The following MICAL3 variants were observed in gnomAD, a reference collection of about 807,000 sequenced individuals.
MICAL3 encodes the protein [F-actin]-monooxygenase MICAL3.
MICAL3 carries 62 observed loss-of-function variants against 207.4 expected under a neutral mutation model. That is an observed-to-expected ratio of 0.30 (90% CI 0.24 to 0.37). The LOEUF (loss-of-function observed/expected upper bound fraction) is 0.37, where lower values mean the gene tolerates loss of function less well. Among genes scored for constraint, MICAL3 ranks in the 10% least tolerant of loss-of-function variants. MICAL3 has a pLI of 1.00. For missense variants in MICAL3, 2,368 were observed against 2,635.6 expected (o/e 0.90, Z 2.22); for synonymous variants, 1,077 against 1,069.3 (o/e 1.01, Z -0.14).
rs111550946 is a variant in MICAL3, at chr22:17,919,592, G to A, written c.-74-12706C>T. Among the ~76,000 whole-genome samples, 67 of 152,372 alleles carry A rather than the reference G, an allele frequency of 4.4e-4. 1 individual carries two copies. Among genetic ancestry groups the A allele is most frequent in the African/African-American group, 1.6e-3 (67 of 41,594 alleles). On this transcript the variant is annotated intron_variant, in intron 1 of 31. Transcript: ENST00000441493. ...GTCGTATCAAATGAAAATGAACTGT[G>A]TGCTTTCAGGCAGTGGCACCAGGCT...
At chr22:17,963,966 C>T (rs1480126689) in intron 1 of MICAL3, among the ~76,000 whole-genome samples, 1 of 152,182 alleles carries the variant, frequency 6.6e-6, no homozygotes, top group East Asian at 1.9e-4. Context: ...GAGACCCTCG[C>T]AAATTTTGTA....
At chr22:17,923,756 G>C (rs1602227326) in intron 1 of MICAL3, among the ~76,000 whole-genome samples, 1 of 152,246 alleles carries the variant, frequency 6.6e-6, no homozygotes, top group African/African-American at 2.4e-5. Flanking sequence ...GTTCCCTAAG[G>C]GATATTAGAA....
intron 19 of MICAL3, among the ~76,000 whole-genome samples, chr22:17,845,894 ACACT>A (rs528768772): frequency 3.8e-4 from 58 of 152,348 alleles, no homozygotes; most frequent in Non-Finnish European, 6.5e-4. Flanking sequence ...GGAATGACAG[ACACT>A]CAGTCTTCCC....
At chr22:17,968,607 A>T (rs894693467) in intron 1 of MICAL3, among the ~76,000 whole-genome samples, 1 of 152,134 alleles carries the variant, frequency 6.6e-6, no homozygotes, top group Non-Finnish European at 1.5e-5. Flanking sequence ...TGCCTGGGAG[A>T]GTGTCCAACT....
intron 19 of MICAL3, among the ~76,000 whole-genome samples, chr22:17,857,981 G>T (rs1021514462): frequency 3.3e-5 from 5 of 152,166 alleles, no homozygotes; most frequent in Non-Finnish European, 5.9e-5. Flanking sequence ...CCATTAAAGG[G>T]CCCCCAAAAT....
intron 12 of MICAL3, among the ~76,000 whole-genome samples, chr22:17,891,117 G>C (rs982076115): frequency 1.3e-5 from 2 of 152,180 alleles, no homozygotes; most frequent in African/African-American, 4.8e-5. Flanking sequence ...GAATTTGAGA[G>C]ACAGCTGGCC....
rs1179004863 is a variant in MICAL3, at chr22:17,900,429, C to T, written c.847+413G>A. 6.6e-6 allele frequency among the ~76,000 whole-genome samples: 1 copy of T among 152,096 alleles called. No individual in the cohort carries two copies. The highest frequency in any genetic ancestry group is 1.5e-5 in the Non-Finnish European group (1 of 68,020). On this transcript the variant is annotated intron_variant, in intron 6 of 31. Coordinates refer to ENST00000441493, the MANE Select transcript of MICAL3 (RefSeq NM_015241.3). This position sits in a 1 kb window ranked among gnomAD's most constrained non-coding sequence, Gnocchi z 4.0. Reference sequence around the variant, plus strand: ...CAGCCCGGGCAACATGGCGAAACTCCGTCTCTACAAGTAATACGAAAAATT... The same window carrying T: ...CAGCCCGGGCAACATGGCGAAACTCTGTCTCTACAAGTAATACGAAAAATT...
chr22:17,904,852 G>A lies in MICAL3; in HGVS notation c.265-13C>T. 1 of 1,596,356 alleles carries A rather than the reference G, an allele frequency of 6.3e-7. No individual in the cohort carries two copies. The highest frequency in any genetic ancestry group is 8.6e-7 in the Non-Finnish European group (1 of 1,164,048). ...CAATGATGAGACACTGAAAAACACA[G>A]CTGCTTTCAGGGCAGGCGGCACTTC... On this transcript the variant is annotated splice_polypyrimidine_tract_variant and intron_variant, in intron 2 of 31. Coordinates refer to ENST00000441493, the MANE Select transcript of MICAL3 (RefSeq NM_015241.3).
intron 19 of MICAL3, among the ~76,000 whole-genome samples, chr22:17,854,776 G>A (rs899911979): frequency 3.9e-5 from 6 of 152,198 alleles, no homozygotes; most frequent in African/African-American, 9.7e-5. Flanking sequence ...GCATGAGGCC[G>A]CAGGAATTAA....
intron 29 of MICAL3, among the ~76,000 whole-genome samples, chr22:17,807,753 A>G (rs1485073122): frequency 1.3e-5 from 2 of 152,192 alleles, no homozygotes; most frequent in East Asian, 3.8e-4. Context: ...CCCATGGGTC[A>G]GTCTTTGAGC....
At chr22:17,907,454 G>A (rs1235067198) in intron 1 of MICAL3, among the ~76,000 whole-genome samples, 1 of 152,216 alleles carries the variant, frequency 6.6e-6, no homozygotes, top group Non-Finnish European at 1.5e-5. Flanking sequence ...TGGTGCCAGT[G>A]GAGCAGTGAG....
rs796342471 is a variant in MICAL3, at chr22:17,900,989, G to A, written c.700C>T (p.Arg234Trp). 1.9e-6 allele frequency: 3 copies of A among 1,613,918 alleles called. No homozygotes were observed. Among genetic ancestry groups the A allele is most frequent in the Non-Finnish European group, 1.7e-6 (2 of 1,179,822 alleles). ...GRRNTLEGFRRKEFRGKLAIA... is the reference protein window; with the variant it reads ...GRRNTLEGFRWKEFRGKLAIA... Reference sequence around the variant, plus strand: ...GCCAGTTTGCCACGGAATTCTTTCCGACGAAACCCTGGAGGGAAATAAATT... The same window carrying A: ...GCCAGTTTGCCACGGAATTCTTTCCAACGAAACCCTGGAGGGAAATAAATT... Residue 234 changes from arginine to tryptophan, a missense_variant, in exon 6 of 32, where the codon CGG becomes TGG. Arg to Trp is a moderately radical substitution (Grantham distance 101). Coordinates refer to ENST00000441493, the MANE Select transcript of MICAL3 (RefSeq NM_015241.3). The surrounding 1 kb of genome is among the most constrained non-coding windows in gnomAD (Gnocchi z 4.0).
chr22:17,852,152 C>A (rs192411773), intron 19 of MICAL3, among the ~76,000 whole-genome samples: 2 of 152,278 alleles, frequency 1.3e-5, no homozygotes, highest in South Asian at 4.2e-4. Flanking sequence ...AACCCACGTT[C>A]CAACAAAAGG....
At chr22:17,908,895 GT>G (rs1357486371) in intron 1 of MICAL3, among the ~76,000 whole-genome samples, 1 of 152,188 alleles carries the variant, frequency 6.6e-6, no homozygotes, top group Non-Finnish European at 1.5e-5. Flanking sequence ...CAGGCACCAT[GT>G]TCCAGAATGA....
chr22:18,003,815 T>A (rs1923200259), intron 1 of MICAL3, among the ~76,000 whole-genome samples: 2 of 151,918 alleles, frequency 1.3e-5, no homozygotes, highest in African/African-American at 4.8e-5. Flanking sequence ...GTGTTGCAAG[T>A]CTGGAGTGCG....
chr22:17,819,152 C>T (rs1921265384), intron 25 of MICAL3, 23 bp from the exon 26 acceptor site: 10 of 1,445,922 alleles, frequency 6.9e-6, no homozygotes, highest in Non-Finnish European at 9.1e-6. Flanking sequence ...AAGACAGAAG[C>T]CGCTGAGAAG....
chr22:17,951,883 G>A (rs1225034580), intron 1 of MICAL3, among the ~76,000 whole-genome samples: 1 of 152,078 alleles, frequency 6.6e-6, no homozygotes, highest in African/African-American at 2.4e-5. Flanking sequence ...TTTCAGTAGA[G>A]ACAGGGTTTC....
intron 28 of MICAL3, 74 bp from the exon 29 acceptor site, chr22:17,809,011 C>T: frequency 7.7e-7 from 1 of 1,301,650 alleles, no homozygotes; most frequent in Non-Finnish European, 1.1e-6. Flanking sequence ...TCCACACCCA[C>T]ACGAGGGGAA....
At chr22:17,979,296 G>A (rs1935797420) in intron 1 of MICAL3, among the ~76,000 whole-genome samples, 1 of 152,152 alleles carries the variant, frequency 6.6e-6, no homozygotes, top group South Asian at 2.1e-4. Context: ...TGTAATCCCA[G>A]CACTTTGGGA....
Sources: allele counts gnomAD v4.1 joint callset (sites outside exome capture counted in the v4.1 genomes callset), GRCh38; gene constraint gnomAD v4.1.1; non-coding constraint Gnocchi (gnomAD v3.1); transcripts MANE v1.5; gene names NCBI Gene and HGNC (gene_info 2026-07-23, HGNC 2026-07-21).